The following IMMP2L variants were observed in gnomAD, a reference collection of about 807,000 sequenced individuals.
IMMP2L encodes inner mitochondrial membrane peptidase subunit 2, also known as mitochondrial inner membrane protease subunit 2.
Under a neutral mutation model 19.3 loss-of-function variants are expected in IMMP2L, and 18 were observed. The ratio of observed to expected loss-of-function variants is 0.93; its 90% CI spans 0.64 to 1.38. The LOEUF (loss-of-function observed/expected upper bound fraction) is 1.38, where lower values mean the gene tolerates loss of function less well. IMMP2L is among the 40% of genes most tolerant of loss of function. The pLI, the probability that IMMP2L is intolerant of heterozygous loss-of-function variation, is 0.00. For missense variants in IMMP2L, 233 were observed against 218.2 expected (o/e 1.07, Z -0.43); for synonymous variants, 76 against 73.0 (o/e 1.04, Z -0.21).
chr7:110,987,763 T>A (rs1217418637), intron 3 of IMMP2L, among the ~76,000 whole-genome samples: 1 of 152,180 alleles, frequency 6.6e-6, no homozygotes, highest in East Asian at 1.9e-4. Flanking sequence ...TAAAACCTGT[T>A]AACATATCAT....
intron 5 of IMMP2L, among the ~76,000 whole-genome samples, chr7:110,840,781 T>C (rs1311217733): frequency 6.6e-6 from 1 of 152,124 alleles, no homozygotes; most frequent in Non-Finnish European, 1.5e-5. Context: ...ACTCATTTTA[T>C]GAAAAACTTT....
intron 5 of IMMP2L, among the ~76,000 whole-genome samples, chr7:110,671,956 C>G (rs1273183136): frequency 1.3e-5 from 2 of 152,034 alleles, no homozygotes; most frequent in Non-Finnish European, 2.9e-5. Context: ...GCCCCTTAAT[C>G]TTGGATTTCC....
intron 3 of IMMP2L, among the ~76,000 whole-genome samples, chr7:111,041,552 C>A (rs373376988): frequency 1.3e-5 from 2 of 151,250 alleles, no homozygotes; most frequent in Middle Eastern, 3.4e-3. Flanking sequence ...CCTTGGCTTA[C>A]GAGATAGCGT....
intron 3 of IMMP2L, among the ~76,000 whole-genome samples, chr7:111,171,626 A>G (rs934212094): frequency 6.6e-6 from 1 of 151,656 alleles, no homozygotes; most frequent in African/African-American, 2.4e-5. Flanking sequence ...TAATGTATAC[A>G]GTAAAAGAAT....
chr7:111,391,599 A>C lies in IMMP2L; in HGVS notation c.239+95639T>G, dbSNP rs551582174. Among the ~76,000 whole-genome samples the C allele has an allele frequency of 1.7e-4, 26 of 152,300 alleles. No homozygotes were observed. The South Asian group carries it at 4.8e-3, about 28-fold the overall frequency. On this transcript the variant is annotated intron_variant, in intron 3 of 5. Coordinates refer to ENST00000405709, the MANE Select transcript of IMMP2L (RefSeq NM_032549.4). ...AATTCAAATCTAGGATTCTACACTC[A>C]GATTGCTTTGTAAGTGTCTTAAATT...
intron 3 of IMMP2L, among the ~76,000 whole-genome samples, chr7:111,478,559 T>TTTTG (rs3052922): frequency 0.35 from 52,735 of 148,714 alleles, 9,483 homozygotes; most frequent in East Asian, 0.47. Context: ...CATGCCCAGC[T>TTTTG]TTTGTTTGTT....
chr7:110,909,598 T>C (rs1585226869), intron 4 of IMMP2L, among the ~76,000 whole-genome samples: 1 of 152,172 alleles, frequency 6.6e-6, no homozygotes, highest in South Asian at 2.1e-4. Context: ...GAAACATTCA[T>C]GTCTGCAGTC....
chr7:111,320,836 A>T (rs1824611529), intron 3 of IMMP2L, among the ~76,000 whole-genome samples: 1 of 151,994 alleles, frequency 6.6e-6, no homozygotes, highest in African/African-American at 2.4e-5. Flanking sequence ...ATCATACCAT[A>T]CAGTACTGTT....
At chr7:110,771,546 CCTTAT>C (rs1460194569) in intron 5 of IMMP2L, among the ~76,000 whole-genome samples, 1 of 152,040 alleles carries the variant, frequency 6.6e-6, no homozygotes, top group Non-Finnish European at 1.5e-5. Flanking sequence ...GTCTCAAGTT[CCTTAT>C]CGGAAAACAA....
chr7:111,498,062 ATTTTT>A, intron 2 of IMMP2L, among the ~76,000 whole-genome samples: 1 of 151,972 alleles, frequency 6.6e-6, no homozygotes, highest in Non-Finnish European at 1.5e-5. Context: ...AAAGCATCTG[ATTTTT>A]ATATCCTCTT....
chr7:111,199,290 T>C lies in IMMP2L; in HGVS notation c.240-235725A>G, dbSNP rs1809846846. Among the ~76,000 whole-genome samples the C allele has an allele frequency of 2.0e-5, 3 of 152,194 alleles. No homozygotes were observed. The South Asian group carries it at 6.2e-4, about 31-fold the overall frequency. ...TGCGAGTATTTCTATTTAAAGTTCT[T>C]TGATTCTAAAACTAAGAGTAACTGG... On this transcript the variant is annotated intron_variant, in intron 3 of 5. Coordinates refer to ENST00000405709, the MANE Select transcript of IMMP2L (RefSeq NM_032549.4).
In IMMP2L at chr7:110,841,072, T is replaced by C. The variant is rs78248074; in HGVS notation, c.408+45521A>G. 2.2e-4 allele frequency among the ~76,000 whole-genome samples: 34 copies of C among 152,174 alleles called. No homozygotes were observed. In the East Asian group the frequency reaches 6.2e-3, roughly 28 times the overall value. On this transcript the variant is annotated intron_variant, in intron 5 of 5. Transcript: ENST00000405709. ...ATTCAATAAACTTGAAAAAGCACTT[T>C]TCAAGTTTTACATGAATAGTTAAAT...
In IMMP2L at chr7:111,016,908, A is replaced by G. The variant is rs1180450367; in HGVS notation, c.240-53343T>C. ...TTATATATAATATATATTATATATA[A>G]TTATATATATATTTATATATACTAA... On this transcript the variant is annotated intron_variant, in intron 3 of 5. Transcript: ENST00000405709. 5.4e-5 allele frequency among the ~76,000 whole-genome samples: 5 copies of G among 92,440 alleles called. No individual in the cohort carries two copies. In the South Asian group the frequency reaches 1.3e-3, roughly 24 times the overall value. The allele number at this position is 92,440 out of a possible 152,430, so 60.6% of individuals were successfully genotyped here.
intron 3 of IMMP2L, among the ~76,000 whole-genome samples, chr7:111,463,776 C>T (rs1383987546): frequency 6.6e-6 from 1 of 152,142 alleles, no homozygotes; most frequent in Non-Finnish European, 1.5e-5. Context: ...ATAATGAAGT[C>T]CATTCATTAA....
intron 1 of IMMP2L, among the ~76,000 whole-genome samples, chr7:111,534,004 A>C (rs569050917): frequency 3.9e-4 from 60 of 152,076 alleles, no homozygotes; most frequent in South Asian, 2.5e-3. Context: ...TATTTCACTG[A>C]AACAAAATAT....
chr7:111,135,584 T>G (rs214857), intron 3 of IMMP2L, among the ~76,000 whole-genome samples: 8,605 of 152,260 alleles, frequency 0.057, 472 homozygotes, highest in African/African-American at 0.14. Context: ...CCAAAGTTCT[T>G]GACTTGAAAT....
intron 5 of IMMP2L, among the ~76,000 whole-genome samples, chr7:110,844,315 T>C (rs1162790143): frequency 6.6e-6 from 1 of 151,952 alleles, no homozygotes; most frequent in African/African-American, 2.4e-5. Flanking sequence ...ATGTACAAAA[T>C]GCTAAAGGAG....
At chr7:111,230,663 T>C (rs1209597190) in intron 3 of IMMP2L, among the ~76,000 whole-genome samples, 4 of 152,032 alleles carry the variant, frequency 2.6e-5, no homozygotes, top group East Asian at 1.9e-4. Flanking sequence ...TTGACTACCA[T>C]ACAGGTGGCA....
rs762758462 is a variant in IMMP2L, at chr7:111,123,453, A to G, written c.240-159888T>C. The G allele has an allele frequency of 1.9e-6, 3 of 1,613,444 alleles. No homozygotes were observed. Among genetic ancestry groups the G allele is most frequent in the Admixed American group, 3.3e-5 (2 of 59,860 alleles). On this transcript the variant is annotated intron_variant, in intron 3 of 5. Coordinates refer to ENST00000405709, the MANE Select transcript of IMMP2L (RefSeq NM_032549.4). This position sits in a 1 kb window ranked among gnomAD's most constrained non-coding sequence, Gnocchi z 6.4. ...TAGCTGGTATAAACCTCACAGAAAT[A>G]CCAGATAACGCCTTGGTTGGACTGG...
Sources: allele counts gnomAD v4.1 joint callset (sites outside exome capture counted in the v4.1 genomes callset), GRCh38; gene constraint gnomAD v4.1.1; non-coding constraint Gnocchi (gnomAD v3.1); transcripts MANE v1.5; gene names NCBI Gene and HGNC (gene_info 2026-07-23, HGNC 2026-07-21).